PLA2R1: variants seen among roughly 807,000 people sequenced by gnomAD.
PLA2R1 encodes secretory phospholipase A2 receptor.
A neutral mutation model predicts 195.9 loss-of-function variants in PLA2R1; 158 were observed. The ratio of observed to expected loss-of-function variants is 0.81; its 90% confidence interval spans 0.71 to 0.92. PLA2R1 has a LOEUF of 0.92. Ranked by LOEUF, PLA2R1 falls within the 40% of genes least tolerant of loss-of-function variation. The pLI, the probability that PLA2R1 is intolerant of heterozygous loss-of-function variation, is 0.00. For missense variants in PLA2R1, 1,626 were observed against 1,764.6 expected (o/e 0.92, Z 1.41); for synonymous variants, 586 against 598.2 (o/e 0.98, Z 0.30).
intron 3 of PLA2R1, among the ~76,000 whole-genome samples, chr2:160,038,812 G>A (rs1694334551): frequency 6.6e-6 from 1 of 152,108 alleles, no homozygotes; most frequent in Non-Finnish European, 1.5e-5. Flanking sequence ...TCAGGAGAGA[G>A]CAGCCATACC....
rs777500290 is a variant in PLA2R1, at chr2:159,937,684, T to C, written c.*4094A>G. 1.3e-5 allele frequency: 2 copies of C among 152,222 alleles called. No homozygotes were observed. The highest frequency in any genetic ancestry group is 2.4e-5 in the African/African-American group (1 of 41,458). 9.4% of individuals were successfully genotyped at this position (152,222 alleles called of 1,614,324 possible). ...TTGTTCTCTGACAATAGTCAGGCAG[T>C]GGATGAGATAAATTTTCAAATGAAA... On this transcript the variant is annotated 3_prime_UTR_variant, in exon 30 of 30. Transcript: ENST00000283243.
At chr2:159,973,331 T>C (rs1388125733) in intron 17 of PLA2R1, among the ~76,000 whole-genome samples, 1 of 151,544 alleles carries the variant, frequency 6.6e-6, no homozygotes, top group Admixed American at 6.6e-5. Flanking sequence ...AGCTTTCTTC[T>C]TTCTAATTTG....
At position 159,967,323 on chromosome 2, in the gene PLA2R1, G is replaced by A. The variant is rs374441300; in HGVS notation, c.2904+216C>T. Among the ~76,000 whole-genome samples, 11 of 152,086 alleles carry A rather than the reference G, an allele frequency of 7.2e-5. No homozygotes were observed. The East Asian group carries it at 9.6e-4, about 13-fold the overall frequency. ...CAACAGTAAAACTGAGTATAGAAAC[G>A]AGGGGCAGTGTCCAGGCTGTTTTTG... On this transcript the variant is annotated intron_variant, in intron 20 of 29. Transcript: ENST00000283243.
intron 14 of PLA2R1, among the ~76,000 whole-genome samples, 183 bp from the exon 15 acceptor site, chr2:159,977,599 C>T (rs1689661119): frequency 8.0e-6 from 1 of 125,650 alleles, no homozygotes; most frequent in African/African-American, 2.5e-5. Flanking sequence ...CAATATTTAG[C>T]ATTTTTTTCT....
chr2:159,924,729 T>TGGA, the PLA2R1 span, among the ~76,000 whole-genome samples: 10 of 117,464 alleles, frequency 8.5e-5, no homozygotes, highest in Admixed American at 4.8e-4. Flanking sequence ...CTCTGGGGGC[T>TGGA]GGGGGGGGGG....
intron 20 of PLA2R1, among the ~76,000 whole-genome samples, chr2:159,964,791 G>A (rs1688676773): frequency 6.6e-6 from 1 of 152,024 alleles, no homozygotes; most frequent in South Asian, 2.1e-4. Context: ...ACAACTTTGG[G>A]AGACCAAGGC....
chr2:159,951,275 T>C, intron 24 of PLA2R1, 65 bp downstream of exon 24: 4 of 844,508 alleles, frequency 4.7e-6, no homozygotes, highest in Non-Finnish European at 8.0e-6. Flanking sequence ...AGTGGCCAGA[T>C]CATGAAGGAG....
chr2:159,944,740 A>G (rs1687279734), intron 28 of PLA2R1, among the ~76,000 whole-genome samples, 166 bp downstream of exon 28: 1 of 152,164 alleles, frequency 6.6e-6, no homozygotes, highest in Non-Finnish European at 1.5e-5. Context: ...AGAAAGAAGG[A>G]GCTGAACTAT....
Position 160,034,725 on chromosome 2 carries a change from G to C in PLA2R1, c.668-1593C>G, listed in dbSNP as rs1694068170. 2.0e-5 allele frequency among the ~76,000 whole-genome samples: 3 copies of C among 152,246 alleles called. No homozygotes were observed. The South Asian group carries it at 6.2e-4, about 32-fold the overall frequency. On this transcript the variant is annotated intron_variant, in intron 3 of 29. Coordinates refer to ENST00000283243, the MANE Select transcript of PLA2R1 (RefSeq NM_007366.5). ...AAGCGGGAGGATCACTTGAAGTCAG[G>C]AGTTCGAGACCAGCCTGGTCAACAA...
chr2:159,950,646 A>G (rs1239455769), intron 24 of PLA2R1, among the ~76,000 whole-genome samples: 3 of 152,208 alleles, frequency 2.0e-5, no homozygotes, highest in Non-Finnish European at 4.4e-5. Context: ...AAGTTTAAAG[A>G]CAGCATGTAG....
chr2:159,949,229 T>G (rs1179060290), intron 25 of PLA2R1, among the ~76,000 whole-genome samples: 1 of 152,110 alleles, frequency 6.6e-6, no homozygotes, highest in African/African-American at 2.4e-5. Context: ...CGGCTTTGTC[T>G]TACGTAAGCC....
At chr2:160,042,230 G>C (rs1449195047) in intron 2 of PLA2R1, 32 bp from the exon 3 acceptor site, 5 of 1,582,864 alleles carry the variant, frequency 3.2e-6, no homozygotes, top group Non-Finnish European at 4.3e-6. Context: ...AGTCAGATAA[G>C]TATGATGTCA....
intron 6 of PLA2R1, among the ~76,000 whole-genome samples, chr2:160,027,240 ATAT>A (rs1693580388): frequency 6.6e-6 from 1 of 152,196 alleles, no homozygotes; most frequent in Admixed American, 6.5e-5. Flanking sequence ...AGAAGGATAA[ATAT>A]AACAGAAGGA....
At chr2:160,016,478 GGT>G (rs10563068) in intron 9 of PLA2R1, 134 bp downstream of exon 9, 262,402 of 618,858 alleles carry the variant, frequency 0.42, 62,951 homozygotes, top group Non-Finnish European at 0.49. Context: ...AGAAGGGGGG[GGT>G]GCGAGGAGAG....
chr2:160,001,970 A>G (rs2105378561), intron 11 of PLA2R1, among the ~76,000 whole-genome samples: 1 of 151,202 alleles, frequency 6.6e-6, no homozygotes, highest in East Asian at 1.9e-4. Flanking sequence ...GTTGACATAG[A>G]TGAAGCATTT....
At chr2:159,958,640 C>G (rs2105179660) in intron 20 of PLA2R1, among the ~76,000 whole-genome samples, 1 of 152,294 alleles carries the variant, frequency 6.6e-6, no homozygotes, top group East Asian at 1.9e-4. Flanking sequence ...ACAACAGACC[C>G]TAAAATGGTT....
At position 159,935,678 on chromosome 2, in the gene PLA2R1, C is replaced by A. The variant is rs1686785418; in HGVS notation, c.*6100G>T. On this transcript the variant is annotated 3_prime_UTR_variant, in exon 30 of 30. Coordinates refer to ENST00000283243, the MANE Select transcript of PLA2R1 (RefSeq NM_007366.5). ...ATATTCCAGTTTCATCTTGTATTTTCCTGCCTTAGACCTGCAATCAACCAC... is the reference window on the plus strand; with the variant it reads ...ATATTCCAGTTTCATCTTGTATTTTACTGCCTTAGACCTGCAATCAACCAC... The A allele has an allele frequency of 6.6e-6, 1 of 152,170 alleles. No individual in the cohort carries two copies. Among genetic ancestry groups the A allele is most frequent in the Non-Finnish European group, 1.5e-5 (1 of 68,034 alleles). The allele number at this position is 152,170 out of a possible 1,614,324, so 9.4% of individuals were successfully genotyped here. A position where few individuals can be genotyped will look rare whatever the true frequency, so the allele number is the denominator to read the frequency against.
In PLA2R1 at chr2:159,976,732, A is replaced by G. The variant is rs184561160; in HGVS notation, c.2402-12T>C. On this transcript the variant is annotated splice_polypyrimidine_tract_variant and intron_variant, in intron 15 of 29. Coordinates refer to ENST00000283243, the MANE Select transcript of PLA2R1 (RefSeq NM_007366.5). The stretch of plus-strand genomic sequence containing the variant: ...CTTGGGTTTCACATCTGCAAAGTGA[A>G]AGCAAATCACTTTGACTGATCTTGC... 184 of 1,606,632 alleles carry G rather than the reference A, an allele frequency of 1.1e-4. 1 individual carries two copies. In the African/African-American group the frequency reaches 2.2e-3, roughly 19 times the overall value.
Position 159,935,945 on chromosome 2 carries a change from A to ATTTTTTTTTTTTTTTTTTTTTTTTTT in PLA2R1, c.*5832_*5833insAAAAAAAAAAAAAAAAAAAAAAAAAA, listed in dbSNP as rs56240008. On this transcript the variant is annotated 3_prime_UTR_variant, in exon 30 of 30. Transcript: ENST00000283243. ...GCAGTAAAAATATGTATATAAATTA[A>ATTTTTTTTTTTTTTTTTTTTTTTTTT]TTTTTTTTTTTTTTTTTTTTTTTTG... 42 of 107,222 alleles carry ATTTTTTTTTTTTTTTTTTTTTTTTTT rather than the reference A, an allele frequency of 3.9e-4. 2 individuals carry two copies. Among genetic ancestry groups the ATTTTTTTTTTTTTTTTTTTTTTTTTT allele is most frequent in the Admixed American group, 5.8e-4 (6 of 10,370 alleles). 6.6% of individuals were successfully genotyped at this position (107,222 alleles called of 1,614,324 possible).
Sources: allele counts gnomAD v4.1 joint callset (sites outside exome capture counted in the v4.1 genomes callset), GRCh38; gene constraint gnomAD v4.1.1; transcripts MANE v1.5; gene names NCBI Gene and HGNC (gene_info 2026-07-23, HGNC 2026-07-21).